Variants in CSMD3 observed in about 807,000 individuals in gnomAD.
CSMD3 encodes CUB and Sushi multiple domains 3.
In CSMD3, 177 loss-of-function variants were observed where a neutral mutation model predicts 435.2. The ratio of observed to expected loss-of-function variants is 0.41; its 90% CI spans 0.36 to 0.46. The LOEUF (loss-of-function observed/expected upper bound fraction) is 0.46, where lower values mean the gene tolerates loss of function less well. Among genes scored for constraint, CSMD3 ranks in the 20% least tolerant of loss-of-function variants. The probability of loss-of-function intolerance (pLI) is 0.34; values close to 1 mark genes in which losing one functional copy is unlikely to be tolerated. For missense variants in CSMD3, 4,265 were observed against 4,504.6 expected, an observed-to-expected ratio of 0.95 and a Z score of 1.52; for synonymous variants, 1,656 against 1,520.5, an observed-to-expected ratio of 1.09 and a Z score of -2.07.
chr8:113,334,295 T>TTTTTA, intron 1 of CSMD3, among the ~76,000 whole-genome samples: 1 of 130,038 alleles, frequency 7.7e-6, no homozygotes, highest in South Asian at 2.4e-4. Flanking sequence ...TTTTTTTTTT[T>TTTTTA]CATTTCCAGC....
Position 112,263,584 on chromosome 8 carries a change from G to T in CSMD3, c.9862+55C>A, listed in dbSNP as rs975783513. 6.9e-6 allele frequency: 10 copies of T among 1,444,848 alleles called. No homozygotes were observed. In the African/African-American group the frequency reaches 8.4e-5, roughly 12 times the overall value. The allele number at this position is 1,444,848 out of a possible 1,614,324, so 89.5% of individuals were successfully genotyped here. Reference sequence around the variant, plus strand: ...AGGAAGCTTAACAATCTCATATTTGGTCTAGAAAAATTTGAAAATTTTAAG... The same window carrying T: ...AGGAAGCTTAACAATCTCATATTTGTTCTAGAAAAATTTGAAAATTTTAAG... On this transcript the variant is annotated intron_variant, in intron 61 of 70. Transcript: ENST00000297405.
intron 31 of CSMD3, among the ~76,000 whole-genome samples, chr8:112,484,150 C>T (rs1819896750): frequency 6.6e-6 from 1 of 152,102 alleles, no homozygotes; most frequent in African/African-American, 2.4e-5. Flanking sequence ...TTCAGGAGCT[C>T]CTTTCCTTCT....
chr8:113,156,680 C>G (rs556258863), intron 4 of CSMD3, among the ~76,000 whole-genome samples: 14 of 151,356 alleles, frequency 9.2e-5, no homozygotes, highest in Non-Finnish European at 1.9e-4. Flanking sequence ...GAAGGTGGAT[C>G]ACATGAGCCA....
chr8:112,325,661 T>C (rs570630803), intron 45 of CSMD3, among the ~76,000 whole-genome samples: 6 of 152,154 alleles, frequency 3.9e-5, no homozygotes, highest in African/African-American at 1.4e-4. Context: ...TATATACATA[T>C]ATATTACATA....
chr8:113,430,902 C>T (rs1236739142), intron 1 of CSMD3, among the ~76,000 whole-genome samples: 1 of 152,178 alleles, frequency 6.6e-6, no homozygotes, highest in Admixed American at 6.5e-5. Context: ...CACCAAACAA[C>T]AGCTTAGCAA....
chr8:113,109,470 A>C (rs891261699), intron 4 of CSMD3, among the ~76,000 whole-genome samples: 1 of 152,270 alleles, frequency 6.6e-6, no homozygotes, highest in Admixed American at 6.5e-5. Flanking sequence ...TAGGATAGAC[A>C]TTCCCATTCC....
At chr8:113,157,144 T>C (rs1266232955) in intron 4 of CSMD3, among the ~76,000 whole-genome samples, 1 of 152,016 alleles carries the variant, frequency 6.6e-6, no homozygotes, top group Non-Finnish European at 1.5e-5. Flanking sequence ...CTATGGAAAA[T>C]GGTGTGCTAG....
chr8:113,049,399 T>G (rs1352705161), intron 5 of CSMD3, among the ~76,000 whole-genome samples: 1 of 147,502 alleles, frequency 6.8e-6, no homozygotes, highest in Non-Finnish European at 1.5e-5. Context: ...TCTGTTCTAG[T>G]AGGAAAAAAA....
In CSMD3 at chr8:112,310,825, T is replaced by C. The variant is rs1430751827; in HGVS notation, c.7885+153A>G. On this transcript the variant is annotated intron_variant, in intron 50 of 70. Coordinates refer to ENST00000297405, the MANE Select transcript of CSMD3 (RefSeq NM_198123.2). ...TGTTTCTTTCCCCTGGAATTTATCA[T>C]TCTGCAATGTTATGCCTTGTTTTTA... 7 of 720,920 alleles carry C rather than the reference T, an allele frequency of 9.7e-6. No homozygotes were observed. In the South Asian group the frequency reaches 1.0e-4, roughly 11 times the overall value. 44.7% of individuals were successfully genotyped at this position (720,920 alleles called of 1,614,324 possible). A position where few individuals can be genotyped will look rare whatever the true frequency, so the allele number is the denominator to read the frequency against.
intron 12 of CSMD3, among the ~76,000 whole-genome samples, chr8:112,805,275 C>A (rs1041924103): frequency 6.6e-6 from 1 of 152,064 alleles, no homozygotes; most frequent in East Asian, 1.9e-4. Context: ...AAGGGGTATT[C>A]CGAAAAGCAG....
chr8:112,641,574 C>A (rs1034214930), intron 20 of CSMD3, among the ~76,000 whole-genome samples: 1 of 152,130 alleles, frequency 6.6e-6, no homozygotes, highest in Non-Finnish European at 1.5e-5. Flanking sequence ...TGGTGGCTCA[C>A]ACCTGTAATC....
At chr8:112,808,361 C>T (rs1462424202) in intron 12 of CSMD3, among the ~76,000 whole-genome samples, 1 of 151,970 alleles carries the variant, frequency 6.6e-6, no homozygotes, top group East Asian at 1.9e-4. Context: ...GATATCCTAC[C>T]TTGTTTTAAC....
At chr8:112,838,928 T>A (rs1806168888) in intron 11 of CSMD3, among the ~76,000 whole-genome samples, 1 of 151,782 alleles carries the variant, frequency 6.6e-6, no homozygotes, top group Non-Finnish European at 1.5e-5. Flanking sequence ...CTATGACACA[T>A]CAGAATTCCT....
intron 22 of CSMD3, among the ~76,000 whole-genome samples, chr8:112,594,442 G>T (rs920019797): frequency 1.3e-5 from 2 of 152,196 alleles, no homozygotes; most frequent in African/African-American, 4.8e-5. Context: ...GGCTGGGGGA[G>T]GGGCGCCCGC....
intron 1 of CSMD3, among the ~76,000 whole-genome samples, chr8:113,405,259 C>T (rs1225159233): frequency 6.6e-6 from 1 of 151,426 alleles, no homozygotes; most frequent in East Asian, 1.9e-4. Context: ...AATTTTGTAT[C>T]AGGATATTTT....
intron 13 of CSMD3, among the ~76,000 whole-genome samples, chr8:112,704,220 TC>T (rs1021649690): frequency 2.0e-5 from 3 of 151,728 alleles, no homozygotes; most frequent in South Asian, 2.1e-4. Flanking sequence ...ACCTCAATGA[TC>T]CCCCCACCTC....
At chr8:113,290,351 G>T (rs1216197969) in intron 2 of CSMD3, among the ~76,000 whole-genome samples, 2 of 151,644 alleles carry the variant, frequency 1.3e-5, no homozygotes, top group African/African-American at 4.8e-5. Context: ...AAATTTAGGA[G>T]TGTGGAGAAC....
chr8:113,324,783 C>T (rs2093972347), intron 1 of CSMD3, among the ~76,000 whole-genome samples: 1 of 152,212 alleles, frequency 6.6e-6, no homozygotes, highest in African/African-American at 2.4e-5. Context: ...GGAAAAGCCA[C>T]AGACACTCAA....
chr8:113,099,730 A>G (rs2090275234), intron 4 of CSMD3, among the ~76,000 whole-genome samples: 2 of 152,052 alleles, frequency 1.3e-5, no homozygotes, highest in South Asian at 2.1e-4. Flanking sequence ...GATGGTAGGA[A>G]CTAGCAGCGT....
Sources: allele counts gnomAD v4.1 joint callset (sites outside exome capture counted in the v4.1 genomes callset), GRCh38; gene constraint gnomAD v4.1.1; transcripts MANE v1.5; gene names NCBI Gene and HGNC (gene_info 2026-07-23, HGNC 2026-07-21).